The following BTBD9 variants were observed in gnomAD, a reference collection of about 807,000 sequenced individuals.
BTBD9 encodes the protein BTB domain containing 9.
In BTBD9, 49 loss-of-function variants were observed where a neutral mutation model predicts 64.3. The observed-to-expected ratio is 0.76, with a 90% CI of 0.61 to 0.97. The LOEUF (loss-of-function observed/expected upper bound fraction) is 0.97, where lower values mean the gene tolerates loss of function less well. Among genes scored for constraint, BTBD9 ranks in the 50% least tolerant of loss-of-function variants. The pLI, the probability that BTBD9 is intolerant of heterozygous loss-of-function variation, is 0.00. For missense variants in BTBD9, 598 were observed against 762.1 expected, an observed-to-expected ratio of 0.78 and a Z score of 2.53; for synonymous variants, 260 against 274.7, an observed-to-expected ratio of 0.95 and a Z score of 0.53.
At chr6:38,597,016 A>G (rs757836907) in intron 2 of BTBD9, among the ~76,000 whole-genome samples, 3 of 152,202 alleles carry the variant, frequency 2.0e-5, no homozygotes, top group Non-Finnish European at 4.4e-5. Flanking sequence ...TCACTTTTCT[A>G]AGCTCCCGGT....
chr6:38,210,435 C>T (rs139732909), intron 9 of BTBD9, among the ~76,000 whole-genome samples: 147 of 152,178 alleles, frequency 9.7e-4, no homozygotes, highest in African/African-American at 3.2e-3. Flanking sequence ...GTGCTAGAAA[C>T]GCAATGATTT....
intron 7 of BTBD9, among the ~76,000 whole-genome samples, chr6:38,300,261 C>A (rs1003978006): frequency 2.0e-5 from 3 of 152,124 alleles, no homozygotes; most frequent in African/African-American, 7.2e-5. Flanking sequence ...GTTACTGTAG[C>A]CTTGTAGTGT....
chr6:38,611,624 TA>T (rs1777620414), intron 1 of BTBD9, among the ~76,000 whole-genome samples: 1 of 152,146 alleles, frequency 6.6e-6, no homozygotes, highest in Non-Finnish European at 1.5e-5. Context: ...CGGTGTCCCA[TA>T]AGGATGCAAT....
Position 38,580,369 on chromosome 6 carries a change from A to C in BTBD9, c.883T>G (p.Leu295Val), listed in dbSNP as rs1402689419. ...TAATTTTGAGTATCACCATCTAATAAGGCTGATTTCAGCTCCCCCTTTACA... is the reference window on the plus strand; with the variant it reads ...TAATTTTGAGTATCACCATCTAATACGGCTGATTTCAGCTCCCCCTTTACA... ...QVVKGELKSA[L>V]LDGDTQNYDL... The change falls in exon 5 of 11, where the codon TTA becomes GTA. Residue 295 changes from leucine to valine, a missense_variant. By Grantham distance (32) the Leu-to-Val change is conservative. Transcript: ENST00000481247. 6.2e-7 allele frequency: 1 copy of C among 1,614,260 alleles called. No individual in the cohort carries two copies.
chr6:38,489,577 T>C (rs969662633), intron 6 of BTBD9, among the ~76,000 whole-genome samples: 2 of 152,204 alleles, frequency 1.3e-5, no homozygotes, highest in Non-Finnish European at 2.9e-5. Context: ...TACAATTCCA[T>C]TGTGTGTATG....
chr6:38,343,085 T>C (rs909564917), intron 7 of BTBD9, among the ~76,000 whole-genome samples: 2 of 152,238 alleles, frequency 1.3e-5, no homozygotes, highest in African/African-American at 4.8e-5. Flanking sequence ...AAGAGGCAGA[T>C]GATTACAGTG....
intron 2 of BTBD9, among the ~76,000 whole-genome samples, chr6:38,595,499 T>C (rs1407126152): frequency 6.6e-6 from 1 of 151,280 alleles, no homozygotes; most frequent in Non-Finnish European, 1.5e-5. Flanking sequence ...TTCCAATCTA[T>C]CAGGAAAGAA....
chr6:38,598,926 T>A (rs9349092), intron 1 of BTBD9, among the ~76,000 whole-genome samples: 9,655 of 151,720 alleles, frequency 0.064, 701 homozygotes, highest in East Asian at 0.23. Flanking sequence ...TCAAAAAAAA[T>A]AATAATAATA....
At chr6:38,583,076 A>G (rs1263753535) in intron 4 of BTBD9, among the ~76,000 whole-genome samples, 1 of 152,248 alleles carries the variant, frequency 6.6e-6, no homozygotes, top group East Asian at 1.9e-4. Flanking sequence ...TCAGATATCA[A>G]TGATGCATAA....
At chr6:38,197,328 C>G (rs1386898505) in intron 9 of BTBD9, among the ~76,000 whole-genome samples, 1 of 152,168 alleles carries the variant, frequency 6.6e-6, no homozygotes, top group Non-Finnish European at 1.5e-5. Context: ...CAATAGAAGC[C>G]AGATTTAATG....
chr6:38,594,105 T>C lies in BTBD9; in HGVS notation c.408A>G (p.Ile136Met), dbSNP rs1776933719. 2 of 1,614,182 alleles carry C rather than the reference T, an allele frequency of 1.2e-6. No homozygotes were observed. Among genetic ancestry groups the C allele is most frequent in the Non-Finnish European group, 1.7e-6 (2 of 1,180,022 alleles). Residue 136 changes from isoleucine to methionine, a missense_variant, in exon 3 of 11, where the codon ATA (isoleucine) becomes ATG (methionine). Ile to Met is a conservative substitution (Grantham distance 10). Transcript: ENST00000481247. ...TCATGCAGACATTCTGAATGTTAAG[T>C]ATGGTGCAGAGATACTCAGAGGTAG... is the stretch of plus-strand genomic sequence containing the variant. ...EDSTSEYLCTILNIQNVCMTF... is the reference protein window; with the variant it reads ...EDSTSEYLCTMLNIQNVCMTF...
At chr6:38,521,659 T>C (rs1773276166) in intron 6 of BTBD9, among the ~76,000 whole-genome samples, 1 of 152,092 alleles carries the variant, frequency 6.6e-6, no homozygotes, top group Non-Finnish European at 1.5e-5. Context: ...ATGAATTCAC[T>C]CATTTCTACC....
chr6:38,194,273 C>A, intron 9 of BTBD9, among the ~76,000 whole-genome samples: 1 of 152,170 alleles, frequency 6.6e-6, no homozygotes, highest in East Asian at 1.9e-4. Context: ...GTGAAGGGAG[C>A]AGCCCCTGGC....
chr6:38,488,991 G>A (rs757856181), intron 6 of BTBD9, among the ~76,000 whole-genome samples: 1 of 151,284 alleles, frequency 6.6e-6, no homozygotes, highest in Non-Finnish European at 1.5e-5. Flanking sequence ...GACCTCCCAG[G>A]CTCACGGGAT....
chr6:38,446,437 TGA>T (rs551107851), intron 6 of BTBD9, among the ~76,000 whole-genome samples: 38 of 152,296 alleles, frequency 2.5e-4, no homozygotes, highest in African/African-American at 9.1e-4. Context: ...AAGGATTTGT[TGA>T]GAGTCTGTCT....
Position 38,256,417 on chromosome 6 carries a change from G to C in BTBD9, c.1554C>G (p.Val518=), listed in dbSNP as rs1764580870. The change falls in exon 9 of 11, where the codon GTC becomes GTG. Residue 518 remains valine, a synonymous_variant. Transcript: ENST00000481247. ...GAAAAGACACAACTTACTTGCAGGA[G>C]ACTTTAGTTCTGTCAGCAACCATGG... ...QWTMVADRTK[V]SCKSWQSVTF... The C allele has an allele frequency of 6.2e-7, 1 of 1,610,698 alleles. No individual in the cohort carries two copies. The highest frequency in any genetic ancestry group is 1.1e-5 in the South Asian group (1 of 90,966).
chr6:38,475,848 A>G (rs551779318), intron 6 of BTBD9, among the ~76,000 whole-genome samples: 1 of 152,244 alleles, frequency 6.6e-6, no homozygotes, highest in South Asian at 2.1e-4. Flanking sequence ...ATGAACACTG[A>G]GTTCTAAAGG....
chr6:38,408,870 A>T (rs1173923431), intron 6 of BTBD9, among the ~76,000 whole-genome samples: 1 of 152,334 alleles, frequency 6.6e-6, no homozygotes, highest in South Asian at 2.1e-4. Flanking sequence ...CACAGAGCCC[A>T]AAGGAAGTAT....
intron 6 of BTBD9, among the ~76,000 whole-genome samples, chr6:38,550,597 T>C (rs1338699267): frequency 6.6e-6 from 1 of 152,224 alleles, no homozygotes; most frequent in Non-Finnish European, 1.5e-5. Flanking sequence ...ATTATAGGCA[T>C]GAGCCACCGT....
Sources: gnomAD v4.1 joint callset for allele counts (sites outside exome capture counted in the v4.1 genomes callset) on GRCh38, gnomAD v4.1.1 for gene constraint, MANE v1.5 for transcripts, NCBI Gene and HGNC (gene_info 2026-07-23, HGNC 2026-07-21) for gene names.